The following PRKG1 variants were observed in gnomAD, a reference collection of about 807,000 sequenced individuals.
PRKG1 encodes protein kinase cGMP-dependent 1.
PRKG1 carries 35 observed loss-of-function variants against 88.1 expected under a neutral mutation model. The observed-to-expected ratio is 0.40, with a 90% CI of 0.30 to 0.53. The LOEUF (loss-of-function observed/expected upper bound fraction) is 0.53, where lower values mean the gene tolerates loss of function less well. Among genes scored for constraint, PRKG1 ranks in the 20% least tolerant of loss-of-function variants. The probability of loss-of-function intolerance (pLI) is 0.59; values close to 1 mark genes in which losing one functional copy is unlikely to be tolerated. For missense variants in PRKG1, 540 were observed against 839.8 expected (o/e 0.64, Z 4.41); for synonymous variants, 303 against 292.5 (o/e 1.04, Z -0.37).
chr10:51,709,156 TC>T (rs1459551114), intron 3 of PRKG1, among the ~76,000 whole-genome samples: 1 of 152,188 alleles, frequency 6.6e-6, no homozygotes, highest in Non-Finnish European at 1.5e-5. Context: ...AATGTGGACT[TC>T]CAGTTAGAAA....
In PRKG1 at chr10:51,656,544, A is replaced by AT. The variant is rs917092431; in HGVS notation, c.593-148039dup. ...AGGAAGTGTTTGCTACCCTAAACTG[A>AT]TTCTTTCACCGCAAAGTATTTGTGT... On this transcript the variant is annotated intron_variant, in intron 3 of 17. Transcript: ENST00000373980. 1.3e-3 allele frequency among the ~76,000 whole-genome samples: 201 copies of AT among 152,218 alleles called. 1 individual carries two copies. The highest frequency in any genetic ancestry group is 6.8e-3 in the Middle Eastern group (2 of 294).
intron 1 of PRKG1, among the ~76,000 whole-genome samples, chr10:51,087,365 T>C (rs1401226339): frequency 6.6e-6 from 1 of 152,254 alleles, no homozygotes; most frequent in African/African-American, 2.4e-5. Flanking sequence ...ATACCATATA[T>C]GTGATCTCAT....
intron 3 of PRKG1, among the ~76,000 whole-genome samples, chr10:51,677,320 T>A (rs1408485216): frequency 6.6e-6 from 1 of 152,204 alleles, no homozygotes; most frequent in Admixed American, 6.5e-5. Flanking sequence ...CTTTTGTACC[T>A]TTCTTGTATT....
chr10:51,833,453 A>G (rs189899171), intron 4 of PRKG1, among the ~76,000 whole-genome samples: 2 of 152,324 alleles, frequency 1.3e-5, no homozygotes, highest in African/African-American at 2.4e-5. Flanking sequence ...TATTATTCCA[A>G]ATTTATAAAT....
At chr10:51,235,695 G>C (rs1335987983) in intron 2 of PRKG1, among the ~76,000 whole-genome samples, 1 of 152,074 alleles carries the variant, frequency 6.6e-6, no homozygotes. Flanking sequence ...ACAAGTGACA[G>C]GGAGAGATGA....
At chr10:51,887,287 C>T (rs1189054322) in intron 4 of PRKG1, among the ~76,000 whole-genome samples, 1 of 148,664 alleles carries the variant, frequency 6.7e-6, no homozygotes, top group East Asian at 2.1e-4. Flanking sequence ...ACCTGGCCCA[C>T]GTTTTTCTTT....
In PRKG1 at chr10:51,040,311, C is replaced by CTT. The variant is rs34444612; in HGVS notation, c.266+48691_266+48692dup. ...CTTTCTTGCTTTTTTTTCTTTTTCT[C>CTT]TTTTTTTTTTTTTTTTTTTTTTTTT... On this transcript the variant is annotated intron_variant, in intron 1 of 17. Coordinates refer to the PRKG1 transcript ENST00000401604. 2.3e-3 allele frequency among the ~76,000 whole-genome samples: 96 copies of CTT among 42,624 alleles called. 5 individuals are homozygous for CTT. Among genetic ancestry groups the CTT allele is most frequent in the East Asian group, 5.3e-3 (6 of 1,124 alleles). The allele number at this position is 42,624 out of a possible 152,430, so 28.0% of individuals were successfully genotyped here.
chr10:52,251,737 T>G, intron 10 of PRKG1, 71 bp downstream of exon 10: 1 of 1,210,574 alleles, frequency 8.3e-7, no homozygotes, highest in Non-Finnish European at 1.2e-6. Context: ...TAGATTAAGA[T>G]TTCTTTCTTT....
chr10:51,791,307 C>T (rs1237291560), intron 3 of PRKG1, among the ~76,000 whole-genome samples: 1 of 152,102 alleles, frequency 6.6e-6, no homozygotes, highest in Non-Finnish European at 1.5e-5. Context: ...TGGTATAGTT[C>T]TTGGCACATA....
chr10:52,201,488 T>C lies in PRKG1; in HGVS notation c.1076+39525T>C, dbSNP rs114735289. Among the ~76,000 whole-genome samples the C allele has an allele frequency of 3.6e-3, 551 of 152,286 alleles. 3 individuals are homozygous for C. Among genetic ancestry groups the C allele is most frequent in the African/African-American group, 0.012 (519 of 41,570 alleles). On this transcript the variant is annotated intron_variant, in intron 9 of 17. Transcript: ENST00000373980. ...TATAGTTTGAAGTCAAGTACTGTAA[T>C]GCTTCTAAGTTTGTTCTTTTTGCTT...
chr10:51,694,581 A>G (rs550970811), intron 3 of PRKG1, among the ~76,000 whole-genome samples: 2 of 152,220 alleles, frequency 1.3e-5, no homozygotes, highest in Non-Finnish European at 1.5e-5. Context: ...GGCACTGATT[A>G]AAGTTGATCA....
At chr10:51,478,309 A>G (rs1456441964) in intron 3 of PRKG1, among the ~76,000 whole-genome samples, 2 of 152,042 alleles carry the variant, frequency 1.3e-5, no homozygotes, top group Non-Finnish European at 2.9e-5. Context: ...GAAATTCAAG[A>G]CTTGTGGTGT....
intron 2 of PRKG1, among the ~76,000 whole-genome samples, chr10:51,322,684 C>T (rs1445571908): frequency 6.6e-6 from 1 of 152,124 alleles, no homozygotes; most frequent in African/African-American, 2.4e-5. Context: ...AATTGGATCT[C>T]CTGAGGTTTT....
Position 51,847,141 on chromosome 10 carries a change from G to T in PRKG1, c.698+42451G>T, listed in dbSNP as rs796584272. 4.6e-5 allele frequency among the ~76,000 whole-genome samples: 7 copies of T among 152,224 alleles called. No homozygotes were observed. In the South Asian group the frequency reaches 1.4e-3, roughly 32 times the overall value. ...CTCAGGTTTTAATATTTAAAATGAA[G>T]GCAGGTGCTGATGATCTATGATGCT... is the stretch of plus-strand genomic sequence containing the variant. On this transcript the variant is annotated intron_variant, in intron 4 of 17. Transcript: ENST00000373980.
chr10:52,263,536 C>G (rs528804596), intron 10 of PRKG1, among the ~76,000 whole-genome samples: 4 of 151,872 alleles, frequency 2.6e-5, no homozygotes, highest in Admixed American at 6.6e-5. Context: ...CAATAAGAAC[C>G]CTTGTGCCCA....
chr10:51,775,566 A>AATTATTATT (rs527646906), intron 3 of PRKG1, among the ~76,000 whole-genome samples: 15 of 150,866 alleles, frequency 9.9e-5, no homozygotes, highest in African/African-American at 3.4e-4. Flanking sequence ...CCAGTTCTTT[A>AATTATTATT]ATTATTATTA....
intron 2 of PRKG1, among the ~76,000 whole-genome samples, chr10:51,457,139 C>A (rs1431908872): frequency 1.3e-5 from 2 of 152,174 alleles, no homozygotes; most frequent in East Asian, 3.8e-4. Context: ...ATGTTTATAG[C>A]AGCACAATGT....
intron 3 of PRKG1, among the ~76,000 whole-genome samples, chr10:51,488,010 T>C (rs1028614864): frequency 1.3e-5 from 2 of 152,154 alleles, no homozygotes; most frequent in African/African-American, 2.4e-5. Flanking sequence ...TTTTCTACTG[T>C]ATATCGATAA....
At chr10:51,637,872 T>C (rs532016090) in intron 3 of PRKG1, among the ~76,000 whole-genome samples, 3 of 152,318 alleles carry the variant, frequency 2.0e-5, no homozygotes, top group Admixed American at 2.0e-4. Context: ...CCATGGCACA[T>C]GTTAGCCTAT....
Sources: allele counts gnomAD v4.1 joint callset (sites outside exome capture counted in the v4.1 genomes callset), GRCh38; gene constraint gnomAD v4.1.1; transcripts MANE v1.5; gene names NCBI Gene and HGNC (gene_info 2026-07-23, HGNC 2026-07-21).